CMYA5: variants seen among roughly 807,000 people sequenced by gnomAD.
CMYA5 encodes the protein cardiomyopathy associated 5.
In CMYA5, 246 loss-of-function variants were observed where a neutral mutation model predicts 318.9. The ratio of observed to expected loss-of-function variants is 0.77; its 90% confidence interval spans 0.70 to 0.86. The LOEUF (loss-of-function observed/expected upper bound fraction) is 0.86, where lower values mean the gene tolerates loss of function less well. Among genes scored for constraint, CMYA5 ranks in the 40% least tolerant of loss-of-function variants. CMYA5 has a pLI of 0.00. For synonymous variants in CMYA5, 1,641 were observed against 1,729.5 expected (o/e 0.95, Z 1.27); for missense variants, 4,589 against 4,678.2 (o/e 0.98, Z 0.56).
Position 79,730,561 on chromosome 5 carries a change from C to G in CMYA5, c.1796C>G (p.Ser599Ter). 6.2e-7 allele frequency: 1 copy of G among 1,613,996 alleles called. No homozygotes were observed. The highest frequency in any genetic ancestry group is 8.5e-7 in the Non-Finnish European group (1 of 1,179,884). Residue 599 changes from serine (S) to a stop codon, truncating the protein, a stop_gained, in exon 2 of 13, where the codon TCA becomes TGA. Coordinates refer to ENST00000446378, the MANE Select transcript of CMYA5 (RefSeq NM_153610.5). LOFTEE classifies it high-confidence loss of function. ...STGSAFVSEYSVPQDLNHELQ... is the reference protein window; with the variant it reads ...STGSAFVSEY ...GGTTCTGCTTTTGTATCAGAGTATT[C>G]AGTACCACAGGATTTGAACCATGAA...
chr5:79,751,531 C>T (rs1029417760), intron 5 of CMYA5, among the ~76,000 whole-genome samples: 1 of 152,126 alleles, frequency 6.6e-6, no homozygotes, highest in Non-Finnish European at 1.5e-5. Context: ...AGAAGTCACT[C>T]TTTAAATATT....
intron 1 of CMYA5, among the ~76,000 whole-genome samples, chr5:79,727,811 T>TG (rs1183616122): frequency 1.3e-5 from 2 of 152,074 alleles, no homozygotes; most frequent in Admixed American, 1.3e-4. Flanking sequence ...GAGTCTAAGA[T>TG]GGGGGCCCAA....
intron 1 of CMYA5, among the ~76,000 whole-genome samples, chr5:79,701,090 C>CCAAAAAAAAAAAAA (rs55791310): frequency 1.7e-5 from 2 of 114,928 alleles, no homozygotes; most frequent in African/African-American, 3.1e-5. Flanking sequence ...ACTAAAAATA[C>CCAAAAAAAAAAAAA]AAAAAAAAAA....
chr5:79,731,447 A>G lies in CMYA5; in HGVS notation c.2682A>G (p.Thr894=). Residue 894 remains threonine (T), a synonymous_variant, in exon 2 of 13, where the codon ACA becomes ACG. Transcript: ENST00000446378. ...DEEAVELERY[T]PSSTSASEFS... ...AGGCAGTCGAGTTGGAACGATACAC[A>G]CCCTCTTCTACATCTGCTTCTGAAT... The G allele has an allele frequency of 3.7e-6, 6 of 1,611,280 alleles. No individual in the cohort carries two copies. Among genetic ancestry groups the G allele is most frequent in the Non-Finnish European group, 5.1e-6 (6 of 1,178,404 alleles).
At chr5:79,775,210 G>A (rs1217551818) in intron 9 of CMYA5, among the ~76,000 whole-genome samples, 3 of 152,174 alleles carry the variant, frequency 2.0e-5, no homozygotes, top group Non-Finnish European at 2.9e-5. Context: ...GTGTCTTCGC[G>A]TTTGGCTATT....
intron 12 of CMYA5, among the ~76,000 whole-genome samples, chr5:79,794,078 A>T (rs1460990496): frequency 1.3e-5 from 2 of 152,240 alleles, no homozygotes; most frequent in Non-Finnish European, 2.9e-5. Flanking sequence ...CCCTCCACAG[A>T]GAAGGAATCA....
chr5:79,732,822 A>C lies in CMYA5; in HGVS notation c.4057A>C (p.Thr1353Pro). The C allele has an allele frequency of 6.2e-7, 1 of 1,613,788 alleles. No homozygotes were observed. The change falls in exon 2 of 13, where the codon ACA becomes CCA. Residue 1353 changes from threonine to proline, a missense_variant. Thr to Pro is a conservative substitution (Grantham distance 38, BLOSUM62 -1). Transcript: ENST00000446378. ...AAAAGAAATTGAACCCAGTTCCTCA[A>C]CAACTACAGCATCTGTAACTAAGCT... ...IKKEIEPSSSTTTASVTKLDS... is the reference protein window; with the variant it reads ...IKKEIEPSSSPTTASVTKLDS...
chr5:79,797,976 C>T (rs572645855), intron 12 of CMYA5, among the ~76,000 whole-genome samples: 54 of 152,306 alleles, frequency 3.5e-4, no homozygotes, highest in Non-Finnish European at 6.0e-4. Flanking sequence ...CCAGCTCACA[C>T]TGCCAGTCCC....
Position 79,799,370 on chromosome 5 carries a change from A to G in CMYA5, c.11964A>G (p.Arg3988=). ...SWYMHCSEPQ[R]YTFFYSGIVS... ...TGTTTCCCATTCGCTTTCATTTCAGATACACATTTTTCTACAGTGGTATTG... is the reference window on the plus strand; with the variant it reads ...TGTTTCCCATTCGCTTTCATTTCAGGTACACATTTTTCTACAGTGGTATTG... The change falls in exon 13 of 13, where the codon AGA becomes AGG. Residue 3988 remains arginine, a splice_region_variant and synonymous_variant. Coordinates refer to ENST00000446378, the MANE Select transcript of CMYA5 (RefSeq NM_153610.5). The G allele has an allele frequency of 6.3e-7, 1 of 1,588,784 alleles. No homozygotes were observed.
intron 9 of CMYA5, among the ~76,000 whole-genome samples, chr5:79,770,054 C>T (rs554093212): frequency 2.4e-4 from 36 of 152,264 alleles, no homozygotes; most frequent in Non-Finnish European, 4.7e-4. Flanking sequence ...TGCTGAGCTG[C>T]GGTGGGTTCC....
intron 1 of CMYA5, among the ~76,000 whole-genome samples, chr5:79,692,718 A>G (rs1826991545): frequency 6.6e-6 from 1 of 152,218 alleles, no homozygotes; most frequent in African/African-American, 2.4e-5. Flanking sequence ...GGTTCTTAGT[A>G]GGTTCCCATT....
intron 9 of CMYA5, among the ~76,000 whole-genome samples, chr5:79,776,267 T>A (rs1427037635): frequency 6.6e-6 from 1 of 152,196 alleles, no homozygotes; most frequent in Non-Finnish European, 1.5e-5. Context: ...AGTCTCATAA[T>A]ATCATCATTT....
intron 1 of CMYA5, among the ~76,000 whole-genome samples, chr5:79,713,841 G>A (rs1366987153): frequency 6.6e-6 from 1 of 152,016 alleles, no homozygotes; most frequent in Non-Finnish European, 1.5e-5. Flanking sequence ...GAGGAGTAGG[G>A]GTAGGAAAGA....
rs190034240 is a variant in CMYA5 at position 79,718,274 on chromosome 5, G to A, written c.150-10641G>A. 3.0e-4 allele frequency among the ~76,000 whole-genome samples: 45 copies of A among 151,820 alleles called. No individual in the cohort carries two copies. The East Asian group carries it at 8.7e-3, about 29-fold the overall frequency. ...CACATTAATATTAAATTAATTCTTG[G>A]TGAAATATTAATTGTAGAGTTAATG... On this transcript the variant is annotated intron_variant, in intron 1 of 12. Transcript: ENST00000446378.
intron 10 of CMYA5, among the ~76,000 whole-genome samples, chr5:79,789,718 C>G (rs985818805): frequency 6.6e-6 from 1 of 152,164 alleles, no homozygotes; most frequent in African/African-American, 2.4e-5. Flanking sequence ...AGCCACCATG[C>G]CTGGCCTCTC....
At chr5:79,763,376 G>A (rs1828694282) in intron 9 of CMYA5, 167 bp downstream of exon 9, 1 of 583,498 alleles carries the variant, frequency 1.7e-6, no homozygotes, top group East Asian at 2.8e-5. Context: ...GTTCACCAAT[G>A]AACTCCAAGT....
At chr5:79,748,936 A>T (rs1329830160) in intron 5 of CMYA5, among the ~76,000 whole-genome samples, 1 of 152,182 alleles carries the variant, frequency 6.6e-6, no homozygotes, top group Non-Finnish European at 1.5e-5. Context: ...TATTTTATCC[A>T]TTCATGGAAG....
At chr5:79,743,576 C>G (rs1274930380) in intron 2 of CMYA5, among the ~76,000 whole-genome samples, 1 of 152,110 alleles carries the variant, frequency 6.6e-6, no homozygotes, top group African/African-American at 2.4e-5. Flanking sequence ...AAAGTCCATT[C>G]TTTCACTTAC....
intron 9 of CMYA5, among the ~76,000 whole-genome samples, chr5:79,765,628 A>G (rs1011282567): frequency 6.6e-6 from 1 of 152,126 alleles, no homozygotes; most frequent in Non-Finnish European, 1.5e-5. Flanking sequence ...TGAGCATGGA[A>G]TGTTTTTCCA....
Sources: gnomAD v4.1 joint callset for allele counts (sites outside exome capture counted in the v4.1 genomes callset) on GRCh38, gnomAD v4.1.1 for gene constraint, MANE v1.5 for transcripts, NCBI Gene and HGNC (gene_info 2026-07-23, HGNC 2026-07-21) for gene names.